The following ROR2 variants were observed in gnomAD, a reference collection of about 807,000 sequenced individuals.
ROR2 encodes ROR family WNT receptor 2.
A neutral mutation model predicts 74.9 loss-of-function variants in ROR2; 33 were observed. The ratio of observed to expected loss-of-function variants is 0.44; its 90% CI spans 0.33 to 0.59. The LOEUF (loss-of-function observed/expected upper bound fraction) is 0.59. Among genes scored for constraint, ROR2 ranks in the 20% least tolerant of loss-of-function variants. ROR2 has a pLI of 0.02. For synonymous variants in ROR2, 586 were observed against 558.7 expected (o/e 1.05, Z -0.69); for missense variants, 1,216 against 1,313.8 (o/e 0.93, Z 1.15).
intron 1 of ROR2, among the ~76,000 whole-genome samples, chr9:91,783,047 G>A (rs879216956): frequency 2.6e-5 from 4 of 152,140 alleles, no homozygotes; most frequent in Admixed American, 2.6e-4. Flanking sequence ...CTGGGAGAGA[G>A]GATCTGCTGC....
At chr9:91,754,728 C>G (rs559412495) in intron 4 of ROR2, among the ~76,000 whole-genome samples, 1 of 152,282 alleles carries the variant, frequency 6.6e-6, no homozygotes, top group African/African-American at 2.4e-5. Context: ...TTTGAAATGA[C>G]TTATATGCCT....
At chr9:91,819,990 G>T (rs529038050) in intron 1 of ROR2, among the ~76,000 whole-genome samples, 209 of 152,148 alleles carry the variant, frequency 1.4e-3, no homozygotes, top group Admixed American at 2.5e-3. Context: ...CTGTGTGTCT[G>T]TACCCGTGTG....
At chr9:91,804,360 G>A (rs767227758) in intron 1 of ROR2, among the ~76,000 whole-genome samples, 5 of 152,308 alleles carry the variant, frequency 3.3e-5, no homozygotes, top group African/African-American at 7.2e-5. Flanking sequence ...TTGTAGCAGT[G>A]CGTGTGCCAG....
intron 4 of ROR2, among the ~76,000 whole-genome samples, chr9:91,752,644 G>A (rs1197191818): frequency 6.6e-6 from 1 of 152,236 alleles, no homozygotes; most frequent in African/African-American, 2.4e-5. Context: ...TCTGGATAGG[G>A]TGTTTCGATT....
At chr9:91,810,440 G>A (rs12683458) in intron 1 of ROR2, among the ~76,000 whole-genome samples, 12,364 of 151,944 alleles carry the variant, frequency 0.081, 1,267 homozygotes, top group African/African-American at 0.23. Flanking sequence ...TTGAACAGAT[G>A]TTCTCCCGGG....
chr9:91,743,472 G>A (rs1007511490), intron 4 of ROR2, among the ~76,000 whole-genome samples: 1 of 152,138 alleles, frequency 6.6e-6, no homozygotes, highest in African/African-American at 2.4e-5. Context: ...TCAGAAGGCT[G>A]AGGCAGGACA....
At chr9:91,799,403 C>T (rs1002246290) in intron 1 of ROR2, among the ~76,000 whole-genome samples, 4 of 152,200 alleles carry the variant, frequency 2.6e-5, no homozygotes, top group Non-Finnish European at 5.9e-5. Context: ...ACGCATTCCC[C>T]TCCAGCCCAC....
chr9:91,725,216 G>T (rs545851090), intron 8 of ROR2, 109 bp from the exon 9 acceptor site: 3 of 1,582,800 alleles, frequency 1.9e-6, no homozygotes, highest in Non-Finnish European at 2.6e-6. Flanking sequence ...GACTAGGGGG[G>T]CCTTGCAGAA....
intron 4 of ROR2, among the ~76,000 whole-genome samples, chr9:91,748,883 C>T (rs1374974930): frequency 6.6e-6 from 1 of 152,104 alleles, no homozygotes; most frequent in Admixed American, 6.5e-5. Context: ...AAAAATTAGC[C>T]GGGCGTGGTG....
At chr9:91,751,401 TAA>T (rs1825592564) in intron 4 of ROR2, among the ~76,000 whole-genome samples, 2 of 152,148 alleles carry the variant, frequency 1.3e-5, no homozygotes, top group Admixed American at 1.3e-4. Context: ...GGTGAAAGAC[TAA>T]AGAGTGGGAC....
At chr9:91,921,787 C>T (rs184382912) in intron 1 of ROR2, among the ~76,000 whole-genome samples, 124 of 150,646 alleles carry the variant, frequency 8.2e-4, no homozygotes, top group Admixed American at 1.6e-3. Flanking sequence ...CGCTTGAACC[C>T]GGGAGACAGG....
At chr9:91,810,426 C>T (rs1191485036) in intron 1 of ROR2, among the ~76,000 whole-genome samples, 3 of 152,116 alleles carry the variant, frequency 2.0e-5, no homozygotes, top group Non-Finnish European at 4.4e-5. Context: ...GTTTTGCCTT[C>T]TGCTTGAACA....
At chr9:91,782,602 A>C (rs1434504648) in intron 1 of ROR2, among the ~76,000 whole-genome samples, 1 of 148,182 alleles carries the variant, frequency 6.7e-6, no homozygotes, top group East Asian at 1.9e-4. Flanking sequence ...AAAAAAAAAA[A>C]AAAACCCTCA....
chr9:91,887,788 C>CTTTTTTTTTTTTTTT (rs771557997), intron 1 of ROR2, among the ~76,000 whole-genome samples: 4 of 100,686 alleles, frequency 4.0e-5, no homozygotes, highest in East Asian at 2.9e-4. Flanking sequence ...CTTTTTTTCT[C>CTTTTTTTTTTTTTTT]TTTTTTTTTT....
chr9:91,932,204 A>T (rs1224074688), intron 1 of ROR2, among the ~76,000 whole-genome samples: 1 of 152,194 alleles, frequency 6.6e-6, no homozygotes, highest in Non-Finnish European at 1.5e-5. Context: ...ACACAAAAAA[A>T]GATCATTAAG....
chr9:91,942,138 T>C (rs1023878828), intron 1 of ROR2, among the ~76,000 whole-genome samples: 1 of 152,182 alleles, frequency 6.6e-6, no homozygotes, highest in Non-Finnish European at 1.5e-5. Flanking sequence ...TCATCGCTCA[T>C]GTCCTCGACA....
At chr9:91,750,639 T>A (rs999135964) in intron 4 of ROR2, among the ~76,000 whole-genome samples, 1 of 152,176 alleles carries the variant, frequency 6.6e-6, no homozygotes, top group Non-Finnish European at 1.5e-5. Context: ...GCTCACAGTA[T>A]GAGGACTAGA....
chr9:91,926,105 G>A (rs1831388245), intron 1 of ROR2, among the ~76,000 whole-genome samples: 1 of 152,102 alleles, frequency 6.6e-6, no homozygotes, highest in African/African-American at 2.4e-5. Flanking sequence ...CATTAGGCCA[G>A]GCGCGGTGGC....
chr9:91,754,814 A>C (rs897003813), intron 4 of ROR2, among the ~76,000 whole-genome samples: 1 of 152,196 alleles, frequency 6.6e-6, no homozygotes, highest in African/African-American at 2.4e-5. Context: ...ACTATTAAGG[A>C]AAAATGCTCC....
Sources: allele counts gnomAD v4.1 joint callset (sites outside exome capture counted in the v4.1 genomes callset), GRCh38; gene constraint gnomAD v4.1.1; transcripts MANE v1.5; gene names NCBI Gene and HGNC (gene_info 2026-07-23, HGNC 2026-07-21).